The following CACNA2D3 variants were observed in gnomAD, a reference collection of about 807,000 sequenced individuals.
CACNA2D3 encodes voltage-dependent calcium channel subunit alpha-2/delta-3.
A neutral mutation model predicts 160.6 loss-of-function variants in CACNA2D3; 60 were observed. The observed-to-expected ratio is 0.37, with a 90% confidence interval of 0.30 to 0.46. The LOEUF is 0.46. Ranked by LOEUF, CACNA2D3 falls within the 20% of genes least tolerant of loss-of-function variation. The probability of loss-of-function intolerance (pLI) is 1.00; values close to 1 mark genes in which losing one functional copy is unlikely to be tolerated. For missense variants in CACNA2D3, 1,205 were observed against 1,365.0 expected, an observed-to-expected ratio of 0.88 and a Z score of 1.85; for synonymous variants, 558 against 492.9, an observed-to-expected ratio of 1.13 and a Z score of -1.75.
intron 4 of CACNA2D3, among the ~76,000 whole-genome samples, chr3:54,500,512 C>CCTTCCTGT (rs779098749): frequency 8.7e-6 from 1 of 114,410 alleles, no homozygotes; most frequent in Non-Finnish European, 1.9e-5. Flanking sequence ...TATCTTCCTT[C>CCTTCCTGT]CTTCCTTCCT....
intron 26 of CACNA2D3, among the ~76,000 whole-genome samples, chr3:54,897,748 G>T (rs1700225091): frequency 6.6e-6 from 1 of 152,186 alleles, no homozygotes; most frequent in Non-Finnish European, 1.5e-5. Context: ...AAGGCTTGGT[G>T]CTTTGTCATT....
At chr3:54,584,817 A>G (rs964543390) in intron 9 of CACNA2D3, among the ~76,000 whole-genome samples, 1 of 152,366 alleles carries the variant, frequency 6.6e-6, no homozygotes, top group Middle Eastern at 3.4e-3. Context: ...AATTTGAATT[A>G]CATAGATTTC....
intron 27 of CACNA2D3, among the ~76,000 whole-genome samples, chr3:54,925,618 G>A (rs1167777560): frequency 6.6e-6 from 1 of 152,242 alleles, no homozygotes; most frequent in African/African-American, 2.4e-5. Context: ...TTACATTTCT[G>A]TAAAGTATGC....
chr3:54,147,028 C>T (rs1700044359), intron 2 of CACNA2D3, among the ~76,000 whole-genome samples: 1 of 152,228 alleles, frequency 6.6e-6, no homozygotes, highest in African/African-American at 2.4e-5. Context: ...TGATAATATC[C>T]CTAGATTTCC....
At chr3:54,808,999 A>G (rs572328222) in intron 13 of CACNA2D3, among the ~76,000 whole-genome samples, 12 of 152,320 alleles carry the variant, frequency 7.9e-5, no homozygotes, top group African/African-American at 2.9e-4. Flanking sequence ...AATATGCATT[A>G]GCTCGTTTAA....
At chr3:54,961,405 C>G (rs1559646160) in intron 27 of CACNA2D3, among the ~76,000 whole-genome samples, 4 of 152,186 alleles carry the variant, frequency 2.6e-5, no homozygotes, top group Admixed American at 6.5e-5. Context: ...ATGGGAAATC[C>G]TTAGCAGGTA....
rs149531094 is a variant in CACNA2D3 at position 54,510,062 on chromosome 3, A to G, written c.544+6408A>G. Among the ~76,000 whole-genome samples, 120 of 152,236 alleles carry G rather than the reference A, an allele frequency of 7.9e-4. 3 individuals carry two copies. Among genetic ancestry groups the G allele is most frequent in the Middle Eastern group, 3.4e-3 (1 of 294 alleles). ...TTTAGCCTGGAAGTTGCATTTCATG[A>G]ATGAGTAGGTGGATGGATGGATAAA... On this transcript the variant is annotated intron_variant, in intron 5 of 37. Coordinates refer to ENST00000474759, the MANE Select transcript of CACNA2D3 (RefSeq NM_018398.3).
chr3:54,337,509 T>C (rs558615516), intron 3 of CACNA2D3, among the ~76,000 whole-genome samples: 1 of 152,318 alleles, frequency 6.6e-6, no homozygotes, highest in South Asian at 2.1e-4. Context: ...CCTGCATTGC[T>C]TAAGTTCTGC....
intron 9 of CACNA2D3, among the ~76,000 whole-genome samples, chr3:54,583,903 TAAAA>T (rs955941654): frequency 7.1e-6 from 1 of 141,350 alleles, no homozygotes; most frequent in African/African-American, 2.6e-5. Context: ...AGGCACAGAT[TAAAA>T]AAAAAAAAAG....
chr3:54,582,888 A>G (rs888816141), intron 9 of CACNA2D3, among the ~76,000 whole-genome samples: 8 of 152,238 alleles, frequency 5.3e-5, no homozygotes, highest in African/African-American at 1.9e-4. Flanking sequence ...AACACAAAGT[A>G]TAAAGTGAAA....
chr3:54,187,186 G>A (rs1287581189), intron 2 of CACNA2D3, among the ~76,000 whole-genome samples: 1 of 152,218 alleles, frequency 6.6e-6, no homozygotes, highest in Admixed American at 6.5e-5. Context: ...AGAGTCACTT[G>A]ACATCTTGGC....
At chr3:55,034,636 G>T (rs76225064) in intron 35 of CACNA2D3, among the ~76,000 whole-genome samples, 2,375 of 150,626 alleles carry the variant, frequency 0.016, 59 homozygotes, top group African/African-American at 0.054. Context: ...ATGCTTTCTG[G>T]TTTTTTTTCA....
At chr3:54,953,037 A>G (rs1316627940) in intron 27 of CACNA2D3, among the ~76,000 whole-genome samples, 2 of 152,152 alleles carry the variant, frequency 1.3e-5, no homozygotes, top group East Asian at 1.9e-4. Flanking sequence ...GAAAAACTGT[A>G]CAGAGACTCA....
chr3:54,492,920 G>T (rs1307509352), intron 4 of CACNA2D3, among the ~76,000 whole-genome samples: 1 of 152,156 alleles, frequency 6.6e-6, no homozygotes, highest in Non-Finnish European at 1.5e-5. Flanking sequence ...TGCCCAGAGA[G>T]AATATGCTAC....
At chr3:54,785,725 C>T (rs1702627925) in intron 13 of CACNA2D3, among the ~76,000 whole-genome samples, 1 of 152,154 alleles carries the variant, frequency 6.6e-6, no homozygotes, top group South Asian at 2.1e-4. Flanking sequence ...TGAAGACAGC[C>T]TTGGTTGGTA....
chr3:54,502,526 G>A (rs1171182093), intron 4 of CACNA2D3, among the ~76,000 whole-genome samples: 1 of 152,064 alleles, frequency 6.6e-6, no homozygotes, highest in Non-Finnish European at 1.5e-5. Context: ...GTTCTTACAT[G>A]TCCGCTTTTT....
intron 11 of CACNA2D3, among the ~76,000 whole-genome samples, chr3:54,716,711 G>C (rs1701057690): frequency 6.6e-6 from 1 of 152,074 alleles, no homozygotes; most frequent in Non-Finnish European, 1.5e-5. Context: ...AAAAGTAAAG[G>C]AGTTTTTGGG....
At position 54,687,135 on chromosome 3, in the gene CACNA2D3, GTTTTT is replaced by G. The variant is rs1290353261; in HGVS notation, c.1167+44905_1167+44909del. Among the ~76,000 whole-genome samples, 9 of 88,906 alleles carry G rather than the reference GTTTTT, an allele frequency of 1.0e-4. 1 individual carries two copies. The highest frequency in any genetic ancestry group is 3.2e-4 in the East Asian group (1 of 3,088). The allele number at this position is 88,906 out of a possible 152,430, so 58.3% of individuals were successfully genotyped here. A position where few individuals can be genotyped will look rare whatever the true frequency, so the allele number is the denominator to read the frequency against. The stretch of plus-strand genomic sequence containing the variant: ...TTTTTCTTTTTCTTTTTTTTTTTTT[GTTTTT>G]TTTTTTTTTTGTTTTTTTGACACTG... On this transcript the variant is annotated intron_variant, in intron 11 of 37. Coordinates refer to ENST00000474759, the MANE Select transcript of CACNA2D3 (RefSeq NM_018398.3).
At chr3:54,979,838 T>C (rs1702469264) in intron 29 of CACNA2D3, among the ~76,000 whole-genome samples, 2 of 152,138 alleles carry the variant, frequency 1.3e-5, no homozygotes, top group South Asian at 2.1e-4. Flanking sequence ...TTGAAGAAGA[T>C]TAAAACAAGA....
Sources: allele counts gnomAD v4.1 joint callset (sites outside exome capture counted in the v4.1 genomes callset), GRCh38; gene constraint gnomAD v4.1.1; transcripts MANE v1.5; gene names NCBI Gene and HGNC (gene_info 2026-07-23, HGNC 2026-07-21).